PCDHGB1: variants seen among roughly 807,000 people sequenced by gnomAD.
PCDHGB1 encodes protocadherin gamma-B1.
PCDHGB1 carries 34 observed loss-of-function variants against 56.6 expected under a neutral mutation model. That is an observed-to-expected ratio of 0.60 (90% CI 0.46 to 0.80). The LOEUF is 0.80. Ranked by LOEUF, PCDHGB1 falls within the 30% of genes least tolerant of loss-of-function variation. The pLI is 0.00. For synonymous variants in PCDHGB1, 561 were observed against 505.9 expected (o/e 1.11, Z -1.46); for missense variants, 1,278 against 1,204.6 (o/e 1.06, Z -0.90).
chr5:141,414,000 A>C (rs759228883), intron 1 of PCDHGB1: 20 of 1,613,400 alleles, frequency 1.2e-5, no homozygotes, highest in Non-Finnish European at 1.6e-5. Flanking sequence ...ACAGGGACGA[A>C]GGTGCCAATG....
chr5:141,395,370 G>C, intron 1 of PCDHGB1: 1 of 1,207,198 alleles, frequency 8.3e-7, no homozygotes, highest in Non-Finnish European at 1.1e-6. Context: ...GTTTATTTTG[G>C]TGGTGTTACT....
In PCDHGB1 at chr5:141,362,093, C is replaced by T. The variant is rs1228101788; in HGVS notation, c.2409+9424C>T. On this transcript the variant is annotated intron_variant, in intron 1 of 3. Coordinates refer to ENST00000523390, the MANE Select transcript of PCDHGB1 (RefSeq NM_018922.3). ...GCTGTGCGTGATGGAGGACAGCCGC[C>T]ACTCTCCGCTACGGCCACGCTGCAC... is the stretch of plus-strand genomic sequence containing the variant. 1 of 1,613,828 alleles carries T rather than the reference C, an allele frequency of 6.2e-7. No individual in the cohort carries two copies. Among genetic ancestry groups the T allele is most frequent in the Non-Finnish European group, 8.5e-7 (1 of 1,179,890 alleles).
rs770219250 is a variant in PCDHGB1, at chr5:141,477,852, T to C, written c.2410-16955T>C. Reference sequence around the variant, plus strand: ...CGGCCAGGTGGGAGCTCGGTGGAGATGCTGCCTCGAGGTACCTCAGCTGGC... The same window carrying C: ...CGGCCAGGTGGGAGCTCGGTGGAGACGCTGCCTCGAGGTACCTCAGCTGGC... On this transcript the variant is annotated intron_variant, in intron 1 of 3. Transcript: ENST00000523390. This position sits in a 1 kb window ranked among gnomAD's most constrained non-coding sequence, Gnocchi z 4.9. The C allele has an allele frequency of 6.2e-7, 1 of 1,613,654 alleles. No homozygotes were observed. Among genetic ancestry groups the C allele is most frequent in the Admixed American group, 1.7e-5 (1 of 59,980 alleles).
chr5:141,351,111 G>A lies in PCDHGB1; in HGVS notation c.851G>A (p.Ser284Asn). Residue 284 changes from serine to asparagine, a missense_variant, in exon 1 of 4, where the codon AGT becomes AAT. Ser to Asn is a conservative substitution (Grantham distance 46, BLOSUM62 1). Transcript: ENST00000523390. Reference protein sequence around the residue: ...ITYAFLNSPISTSLFNLNPNT... With the variant: ...ITYAFLNSPINTSLFNLNPNT... ...TATGCCTTCCTCAATTCCCCAATAA[G>A]TACCAGCCTCTTCAATCTCAATCCA... 6.2e-7 allele frequency: 1 copy of A among 1,614,030 alleles called. No homozygotes were observed.
Position 141,423,542 on chromosome 5 carries a change from C to T in PCDHGB1, c.2409+70873C>T, listed in dbSNP as rs755766737. 4.3e-6 allele frequency: 7 copies of T among 1,613,616 alleles called. No individual in the cohort carries two copies. The African/African-American group carries it at 6.7e-5, about 15-fold the overall frequency. The stretch of plus-strand genomic sequence containing the variant: ...TCGCAGAAGAGTCACCTGATTTTCC[C>T]CCAGCCCAACTATGGGGACACGCTC... On this transcript the variant is annotated intron_variant, in intron 1 of 3. Transcript: ENST00000523390.
intron 1 of PCDHGB1, chr5:141,376,543 T>C: frequency 1.2e-6 from 2 of 1,613,014 alleles, no homozygotes. Flanking sequence ...AAGAGTAATC[T>C]GATCTTCCCG....
chr5:141,355,827 C>T, intron 1 of PCDHGB1: 1 of 1,612,834 alleles, frequency 6.2e-7, no homozygotes, highest in Non-Finnish European at 8.5e-7. Context: ...CGGTTCACCA[C>T]CTCGTTCTCA....
chr5:141,456,641 G>A (rs2098873674), intron 1 of PCDHGB1, among the ~76,000 whole-genome samples: 1 of 152,160 alleles, frequency 6.6e-6, no homozygotes, highest in South Asian at 2.1e-4. Context: ...TACTACAGGT[G>A]TTAATCCCAA....
At position 141,491,770 on chromosome 5, in the gene PCDHGB1, G is replaced by C. The variant is rs1230581925; in HGVS notation, c.2410-3037G>C. 1 of 1,560,888 alleles carries C rather than the reference G, an allele frequency of 6.4e-7. No individual in the cohort carries two copies. Among genetic ancestry groups the C allele is most frequent in the Non-Finnish European group, 8.7e-7 (1 of 1,154,942 alleles). On this transcript the variant is annotated intron_variant, in intron 1 of 3. Coordinates refer to ENST00000523390, the MANE Select transcript of PCDHGB1 (RefSeq NM_018922.3). This position sits in a 1 kb window ranked among gnomAD's most constrained non-coding sequence, Gnocchi z 6.9. ...TGGAGAAGCCGCCCGTCCTCATAAG[G>C]GATTGAACTTGCATCCACTCCTCTC...
intron 1 of PCDHGB1, chr5:141,375,011 G>A (rs1035429416): frequency 1.2e-6 from 2 of 1,614,028 alleles, no homozygotes; most frequent in African/African-American, 1.3e-5. Context: ...TCTAGACTAT[G>A]AGGACTCGAG....
Position 141,477,991 on chromosome 5 carries a change from T to C in PCDHGB1, c.2410-16816T>C, listed in dbSNP as rs774877878. On this transcript the variant is annotated intron_variant, in intron 1 of 3. Transcript: ENST00000523390. The surrounding 1 kb of genome is among the most constrained non-coding windows in gnomAD (Gnocchi z 4.9). The stretch of plus-strand genomic sequence containing the variant: ...GCCTTTTTGCCATAGGGCTGCACAC[T>C]GGTCAAATCAGTACTGCCCGTCCAG... 2 of 1,614,134 alleles carry C rather than the reference T, an allele frequency of 1.2e-6. No individual in the cohort carries two copies. Among genetic ancestry groups the C allele is most frequent in the South Asian group, 2.2e-5 (2 of 91,082 alleles).
intron 1 of PCDHGB1, among the ~76,000 whole-genome samples, chr5:141,471,913 G>A (rs1307168228): frequency 6.6e-6 from 1 of 152,164 alleles, no homozygotes. Context: ...CAAGCATGAG[G>A]GAAATTTTGG....
chr5:141,432,266 T>G lies in PCDHGB1; in HGVS notation c.2410-62541T>G. ...CACCATCCAAGGGGCAAGCCTATCG[T>G]CCTACGTGTCCATCAACTCCGACAC... On this transcript the variant is annotated intron_variant, in intron 1 of 3. Transcript: ENST00000523390. This position sits in a 1 kb window ranked among gnomAD's most constrained non-coding sequence, Gnocchi z 6.0. The G allele has an allele frequency of 6.2e-7, 1 of 1,614,214 alleles. No individual in the cohort carries two copies. Among genetic ancestry groups the G allele is most frequent in the East Asian group, 2.2e-5 (1 of 44,880 alleles).
At chr5:141,360,109 G>A (rs1218338018) in intron 1 of PCDHGB1, 1 of 1,561,628 alleles carries the variant, frequency 6.4e-7, no homozygotes, top group African/African-American at 1.4e-5. Flanking sequence ...TTCCTCCTAT[G>A]GGCAAAGGAG....
At chr5:141,421,296 G>C in intron 1 of PCDHGB1, 1 of 1,613,444 alleles carries the variant, frequency 6.2e-7, no homozygotes, top group Non-Finnish European at 8.5e-7. Context: ...TCCTGGGGAC[G>C]CTGCGGGGGT....
At chr5:141,364,174 C>T in intron 1 of PCDHGB1, 6 of 816,492 alleles carry the variant, frequency 7.3e-6, no homozygotes, top group Non-Finnish European at 1.1e-5. Flanking sequence ...CCCGACTCTG[C>T]TCCCTCCATA....
At position 141,403,415 on chromosome 5, in the gene PCDHGB1, C is replaced by T. The variant is rs770058522; in HGVS notation, c.2409+50746C>T. 6.8e-6 allele frequency: 11 copies of T among 1,614,046 alleles called. No individual in the cohort carries two copies. The South Asian group carries it at 1.2e-4, about 18-fold the overall frequency. ...GGTTCCTGGAGCACGTTATCCACTT[C>T]CAGAAGCTATTGATCCGGATGTTGG... On this transcript the variant is annotated intron_variant, in intron 1 of 3. Coordinates refer to ENST00000523390, the MANE Select transcript of PCDHGB1 (RefSeq NM_018922.3).
intron 1 of PCDHGB1, chr5:141,413,476 G>A: frequency 6.2e-7 from 1 of 1,614,122 alleles, no homozygotes; most frequent in Non-Finnish European, 8.5e-7. Context: ...GGAGCTCTGC[G>A]CTCAGAGCGC....
chr5:141,375,963 G>T lies in PCDHGB1; in HGVS notation c.2409+23294G>T, dbSNP rs371650654. 16 of 1,613,262 alleles carry T rather than the reference G, an allele frequency of 9.9e-6. No homozygotes were observed. Among genetic ancestry groups the T allele is most frequent in the African/African-American group, 1.3e-5 (1 of 74,938 alleles). ...GTGGGCCTGCACACGGGCGAGGTGC[G>T]CACGGCGCGCGCCCTGCTGGACAGA... On this transcript the variant is annotated intron_variant, in intron 1 of 3. Coordinates refer to ENST00000523390, the MANE Select transcript of PCDHGB1 (RefSeq NM_018922.3).
Sources: gnomAD v4.1 joint callset for allele counts (sites outside exome capture counted in the v4.1 genomes callset) on GRCh38, gnomAD v4.1.1 for gene constraint, Gnocchi (gnomAD v3.1) non-coding constraint, MANE v1.5 for transcripts, NCBI Gene and HGNC (gene_info 2026-07-23, HGNC 2026-07-21) for gene names.